Variants in MSN observed in about 807,000 individuals in gnomAD.
MSN encodes the protein epididymis luminal protein 70.
Under a neutral mutation model 48.0 loss-of-function variants are expected in MSN, and 2 were observed. The observed-to-expected ratio is 0.04, with a 90% CI of 0.02 to 0.13. The LOEUF (loss-of-function observed/expected upper bound fraction) is 0.13, where lower values mean the gene tolerates loss of function less well. MSN is among the 10% of genes least tolerant of loss of function. The pLI is 1.00. For missense variants in MSN, 267 were observed against 470.1 expected (o/e 0.57, Z 3.99); for synonymous variants, 146 against 166.9 (o/e 0.87, Z 0.97).
At chrX:65,609,212 C>A (rs892939420) in intron 1 of MSN, among the ~76,000 whole-genome samples, 2 of 107,035 alleles carry the variant, frequency 1.9e-5, no homozygotes, top group Non-Finnish European at 1.9e-5. Context: ...TGGGCAAAAA[C>A]CAGGGGAAGA....
intron 1 of MSN, among the ~76,000 whole-genome samples, chrX:65,650,618 C>T (rs1360513311): frequency 2.7e-5 from 3 of 112,198 alleles, no homozygotes; most frequent in African/African-American, 9.7e-5. Context: ...GTGCTGGGTG[C>T]TACAATGTAT....
At chrX:65,666,190 G>A (rs188281998), upstream of MSN, among the ~76,000 whole-genome samples, 14 of 105,652 alleles carry the variant, frequency 1.3e-4, no homozygotes, top group African/African-American at 4.2e-4. Flanking sequence ...TTTTTTTTTC[G>A]CATTTTTAAT....
chrX:65,620,260 T>A (rs1602725646), intron 1 of MSN, among the ~76,000 whole-genome samples: 1 of 112,685 alleles, frequency 8.9e-6, no homozygotes, highest in East Asian at 2.8e-4. Flanking sequence ...CCGGCTGCTT[T>A]GTTTACCTAA....
At chrX:65,612,134 G>A (rs752210225) in intron 1 of MSN, among the ~76,000 whole-genome samples, 45 of 111,563 alleles carry the variant, frequency 4.0e-4, no homozygotes, top group African/African-American at 1.3e-3. Flanking sequence ...GTGGGAGGTG[G>A]GACCTAATGA....
At chrX:65,656,233 C>A (rs1047786100) in intron 1 of MSN, among the ~76,000 whole-genome samples, 1 of 108,893 alleles carries the variant, frequency 9.2e-6, no homozygotes, top group Non-Finnish European at 1.9e-5. Flanking sequence ...TTACCTAAGG[C>A]AGACTGGGAG....
At chrX:65,643,500 C>T (rs1422720324) in intron 1 of MSN, among the ~76,000 whole-genome samples, 2 of 111,222 alleles carry the variant, frequency 1.8e-5, no homozygotes, top group Non-Finnish European at 3.8e-5. Flanking sequence ...CTAGGCCCAG[C>T]GCACATTCGA....
chrX:65,604,740 A>G (rs2070264504), intron 1 of MSN, among the ~76,000 whole-genome samples: 1 of 111,714 alleles, frequency 9.0e-6, no homozygotes, highest in Non-Finnish European at 1.9e-5. Context: ...CACCTGTCAT[A>G]TTCAATCTAT....
intron 1 of MSN, chrX:65,589,138 C>G (rs1049856827): frequency 1.6e-5 from 2 of 125,968 alleles, no homozygotes; most frequent in Admixed American, 1.9e-4. Flanking sequence ...CTCCCATTTT[C>G]ACTCCACTCT....
intron 1 of MSN, among the ~76,000 whole-genome samples, chrX:65,589,446 G>A (rs935912880): frequency 3.8e-4 from 42 of 111,857 alleles, no homozygotes; most frequent in Admixed American, 3.1e-3. Context: ...GCCAGTCACC[G>A]TGACCACACT....
At chrX:65,694,346 T>G (rs1482121101) in intron 1 of MSN, among the ~76,000 whole-genome samples, 1 of 109,909 alleles carries the variant, frequency 9.1e-6, no homozygotes, top group Non-Finnish European at 1.9e-5. Flanking sequence ...TTTTTTTTTT[T>G]TGAGACGGAG....
In MSN at chrX:65,716,881, G is replaced by A; in HGVS notation, c.76G>A (p.Gly26Arg). ...GTTTGCCATCCAGCCCAACACCACC[G>A]GGAAGCAGCTATTTGACCAGGTAAG... ...LEFAIQPNTT[G>R]KQLFDQVVKT... is the part of the protein sequence containing the mutation. The change falls in exon 2 of 13, where the codon GGG (glycine) becomes AGG (arginine). Residue 26 changes from glycine to arginine, a missense_variant. Gly to Arg is a moderately radical substitution (Grantham distance 125, BLOSUM62 -2). Coordinates refer to ENST00000360270, the MANE Select transcript of MSN (RefSeq NM_002444.3). 1.7e-6 allele frequency: 2 copies of A among 1,209,725 alleles called. No individual in the cohort carries two copies. Among genetic ancestry groups the A allele is most frequent in the Non-Finnish European group, 2.2e-6 (2 of 894,862 alleles).
At chrX:65,729,960 A>T (rs1047573836) in intron 4 of MSN, among the ~76,000 whole-genome samples, 1 of 112,381 alleles carries the variant, frequency 8.9e-6, no homozygotes, top group Non-Finnish European at 1.9e-5. Context: ...ATTACCCTGG[A>T]GGCAGGTGCT....
intron 1 of MSN, among the ~76,000 whole-genome samples, chrX:65,672,880 A>G (rs968215706): frequency 2.3e-4 from 26 of 111,659 alleles, no homozygotes; most frequent in African/African-American, 8.1e-4. Flanking sequence ...TTTCTTCAAC[A>G]TTTGGGTACC....
chrX:65,682,520 C>A (rs1396998044), intron 1 of MSN, among the ~76,000 whole-genome samples: 1 of 111,523 alleles, frequency 9.0e-6, no homozygotes, highest in African/African-American at 3.3e-5. Context: ...TATAAATCAA[C>A]ACGAAGAAGG....
chrX:65,723,748 C>G (rs2071539309), intron 2 of MSN, among the ~76,000 whole-genome samples: 1 of 111,692 alleles, frequency 9.0e-6, no homozygotes, highest in Admixed American at 9.5e-5. Context: ...CACAGCACCC[C>G]CATGGGCCTT....
At chrX:65,621,046 G>A (rs1238237986) in intron 1 of MSN, among the ~76,000 whole-genome samples, 1 of 109,422 alleles carries the variant, frequency 9.1e-6, no homozygotes, top group African/African-American at 3.3e-5. Context: ...CTCCTGAGTA[G>A]CTGGGAATAC....
chrX:65,690,603 T>C (rs2071162860), intron 1 of MSN, among the ~76,000 whole-genome samples: 1 of 111,423 alleles, frequency 9.0e-6, no homozygotes, highest in African/African-American at 3.3e-5. Context: ...GTGGGAACAT[T>C]ATAGGGAGCT....
chrX:65,708,676 T>TTTTA (rs753003299), intron 1 of MSN, among the ~76,000 whole-genome samples: 13 of 109,531 alleles, frequency 1.2e-4, no homozygotes, highest in Admixed American at 2.0e-4. Context: ...ATGACAGGAT[T>TTTTA]TTTATTTATT....
In MSN at chrX:65,740,144, C is replaced by G; in HGVS notation, c.*251C>G. 1 of 306,478 alleles carries G rather than the reference C, an allele frequency of 3.3e-6. No individual in the cohort carries two copies. Among genetic ancestry groups the G allele is most frequent in the Non-Finnish European group, 5.8e-6 (1 of 172,833 alleles). The allele number at this position is 306,478 out of a possible 1,213,427, so 25.3% of individuals were successfully genotyped here. On this transcript the variant is annotated 3_prime_UTR_variant, in exon 13 of 13. Coordinates refer to ENST00000360270, the MANE Select transcript of MSN (RefSeq NM_002444.3). The stretch of plus-strand genomic sequence containing the variant: ...TCTCTGTTCCATTGAATCTGTATGG[C>G]TAGAATATCCTACTTCTCCAGCCTA...
Sources: allele counts gnomAD v4.1 joint callset (sites outside exome capture counted in the v4.1 genomes callset), GRCh38; gene constraint gnomAD v4.1.1; transcripts MANE v1.5; gene names NCBI Gene and HGNC (gene_info 2026-07-23, HGNC 2026-07-21).